LRRC9: variants seen among roughly 807,000 people sequenced by gnomAD.
The protein encoded by LRRC9 is leucine rich repeat containing 9, also known as leucine-rich repeat-containing protein 9.
In LRRC9, 122 loss-of-function variants were observed where a neutral mutation model predicts 63.2. The ratio of observed to expected loss-of-function variants is 1.93; its 90% CI spans 1.67 to 2.24. LRRC9 has a LOEUF of 2.24. Among genes scored for constraint, LRRC9 ranks in the 30% most tolerant of loss-of-function variants. The probability of loss-of-function intolerance (pLI) is 0.00; values close to 1 mark genes in which losing one functional copy is unlikely to be tolerated. For synonymous variants in LRRC9, 366 were observed against 213.1 expected (o/e 1.72, Z -6.25); for missense variants, 1,071 against 627.7 (o/e 1.71, Z -7.55).
intron 8 of LRRC9, among the ~76,000 whole-genome samples, chr14:59,945,450 T>C (rs1210846716): frequency 6.6e-6 from 1 of 151,378 alleles, no homozygotes; most frequent in Admixed American, 6.6e-5. Flanking sequence ...TTACCAAATG[T>C]AAATACCAGT....
chr14:59,956,061 A>T (rs1883715024), intron 8 of LRRC9, among the ~76,000 whole-genome samples: 1 of 152,114 alleles, frequency 6.6e-6, no homozygotes, highest in South Asian at 2.1e-4. Context: ...ACTTCCAATT[A>T]TGTGGTCGAT....
chr14:59,933,033 A>G (rs1270631182), intron 6 of LRRC9, among the ~76,000 whole-genome samples: 2 of 152,092 alleles, frequency 1.3e-5, no homozygotes, highest in African/African-American at 4.8e-5. Flanking sequence ...TTTCAGCCAC[A>G]CTGGTCTGAA....
In LRRC9 at chr14:59,965,634, C is replaced by T. The variant is rs193277054; in HGVS notation, c.1212-955C>T. Among the ~76,000 whole-genome samples the T allele has an allele frequency of 3.3e-3, 507 of 151,630 alleles. 18 individuals are homozygous for T. The East Asian group carries it at 0.058, about 17-fold the overall frequency. On this transcript the variant is annotated intron_variant, in intron 10 of 31. Coordinates refer to ENST00000445360, the Ensembl canonical transcript of LRRC9. ...GGCGCGGTGGCTCACGCCTGTAATC[C>T]CAGCACTGGGAGGCCGAGGTGGGCG...
At chr14:59,934,750 T>C (rs576112989) in intron 6 of LRRC9, among the ~76,000 whole-genome samples, 1 of 152,280 alleles carries the variant, frequency 6.6e-6, no homozygotes, top group Non-Finnish European at 1.5e-5. Flanking sequence ...ACTTACTATA[T>C]GGAAATTCTA....
At chr14:59,976,167 C>T (rs184560225) in intron 13 of LRRC9, among the ~76,000 whole-genome samples, 1 of 152,326 alleles carries the variant, frequency 6.6e-6, no homozygotes, top group Non-Finnish European at 1.5e-5. Context: ...CAGGAAAACA[C>T]GCTCAGGGCT....
intron 29 of LRRC9, among the ~76,000 whole-genome samples, chr14:60,036,022 T>C (rs1045954309): frequency 1.3e-5 from 2 of 152,150 alleles, no homozygotes; most frequent in Non-Finnish European, 2.9e-5. Context: ...ACCATCTTCC[T>C]GGCTTGCAGA....
rs117232620 is a variant in LRRC9 at position 60,025,317 on chromosome 14, G to T, written c.3703+2447G>T. ...GGGTCTCAATTTGTTACCCAGGCTG[G>T]TCTCAGACTCCTGGCCTTAAGAGAT... On this transcript the variant is annotated intron_variant, in intron 27 of 31. Transcript: ENST00000445360. Among the ~76,000 whole-genome samples, 510 of 151,502 alleles carry T rather than the reference G, an allele frequency of 3.4e-3. 17 individuals carry two copies. The East Asian group carries it at 0.057, about 17-fold the overall frequency.
chr14:59,929,088 A>C (rs1017471113), intron 3 of LRRC9, among the ~76,000 whole-genome samples: 1 of 152,104 alleles, frequency 6.6e-6, no homozygotes, highest in African/African-American at 2.4e-5. Context: ...TAATTAAACT[A>C]AAGAGCTTCT....
chr14:60,014,075 C>T (rs1213234041), intron 23 of LRRC9, among the ~76,000 whole-genome samples: 3 of 151,658 alleles, frequency 2.0e-5, no homozygotes, highest in Non-Finnish European at 4.4e-5. Context: ...TAGTGTATCT[C>T]TTCATATAGT....
At chr14:59,975,984 G>A (rs187281913) in intron 13 of LRRC9, among the ~76,000 whole-genome samples, 7 of 152,286 alleles carry the variant, frequency 4.6e-5, no homozygotes, top group African/African-American at 1.2e-4. Flanking sequence ...TTGCATTACC[G>A]CATGAGCTCC....
rs1002279435 is a variant in LRRC9, at chr14:60,031,725, G to A, written c.3922-270G>A. On this transcript the variant is annotated intron_variant, in intron 28 of 31. Coordinates refer to ENST00000445360, the Ensembl canonical transcript of LRRC9. This position sits in a 1 kb window ranked among gnomAD's most constrained non-coding sequence, Gnocchi z 4.6. ...GTCCTAGAATAAATCATAATTCTGA[G>A]AAAAAAATTTGATCTTTTCTTGCAA... is the stretch of plus-strand genomic sequence containing the variant. 1.3e-5 allele frequency among the ~76,000 whole-genome samples: 2 copies of A among 151,946 alleles called. No homozygotes were observed. Among genetic ancestry groups the A allele is most frequent in the African/African-American group, 4.8e-5 (2 of 41,420 alleles).
intron 8 of LRRC9, among the ~76,000 whole-genome samples, chr14:59,945,146 TA>T (rs749726140): frequency 1.7e-3 from 235 of 136,528 alleles, no homozygotes; most frequent in African/African-American, 1.5e-3. Context: ...TTTAAAGTGC[TA>T]AAAAAAAAAA....
At chr14:59,969,430 A>T (rs1207989203) in intron 12 of LRRC9, 1 of 152,232 alleles carries the variant, frequency 6.6e-6, no homozygotes. Context: ...ATCAGTGTGT[A>T]GCATGTAAAA....
exon 29 of LRRC9, chr14:60,032,042 G>A (rs1892031368): frequency 1.4e-6 from 1 of 700,574 alleles, no homozygotes; most frequent in Non-Finnish European, 2.6e-6. Flanking sequence ...CTCTCAGGGA[G>A]CTTACAGTGT....
intron 13 of LRRC9, among the ~76,000 whole-genome samples, chr14:59,976,076 G>C (rs1270702008): frequency 6.6e-6 from 1 of 152,230 alleles, no homozygotes; most frequent in Non-Finnish European, 1.5e-5. Flanking sequence ...AGGGATCTGG[G>C]TTGTGCGCTC....
chr14:60,018,312 T>C (rs1299119650), intron 24 of LRRC9, 59 bp from the exon 25 acceptor site: 6 of 695,264 alleles, frequency 8.6e-6, no homozygotes, highest in Non-Finnish European at 1.6e-5. Context: ...GAACTCACCT[T>C]TTCCTATATT....
intron 29 of LRRC9, among the ~76,000 whole-genome samples, chr14:60,045,269 T>G (rs542078046): frequency 1.9e-3 from 292 of 152,192 alleles, no homozygotes; most frequent in African/African-American, 6.5e-3. Context: ...AAAAAAAAAT[T>G]TCAACTTTTA....
intron 5 of LRRC9, 108 bp from the exon 6 acceptor site, chr14:59,931,861 C>A: frequency 1.6e-6 from 1 of 627,554 alleles, no homozygotes; most frequent in Non-Finnish European, 2.8e-6. Context: ...ACAATGGTAC[C>A]ATTAGTCTAT....
intron 23 of LRRC9, among the ~76,000 whole-genome samples, chr14:60,011,730 G>T (rs1890275617): frequency 2.6e-5 from 4 of 152,152 alleles, no homozygotes. Context: ...CATTGGATTT[G>T]AAGGGCAAAG....
Sources: allele counts gnomAD v4.1 joint callset (sites outside exome capture counted in the v4.1 genomes callset), GRCh38; gene constraint gnomAD v4.1.1; non-coding constraint Gnocchi (gnomAD v3.1); transcripts MANE v1.5; gene names NCBI Gene and HGNC (gene_info 2026-07-23, HGNC 2026-07-21).